The following NUP214 variants were observed in gnomAD, a reference collection of about 807,000 sequenced individuals.
NUP214 encodes nucleoporin 214, also known as nuclear pore complex protein Nup214.
In NUP214, 79 loss-of-function variants were observed where a neutral mutation model predicts 196.2. That is an observed-to-expected ratio of 0.40 (90% CI 0.34 to 0.49). The LOEUF (loss-of-function observed/expected upper bound fraction) is 0.49. Ranked by LOEUF, NUP214 falls within the 20% of genes least tolerant of loss-of-function variation. NUP214 has a pLI of 0.58. For missense variants in NUP214, 2,468 were observed against 2,539.0 expected, an observed-to-expected ratio of 0.97 and a Z score of 0.60; for synonymous variants, 1,020 against 990.5, an observed-to-expected ratio of 1.03 and a Z score of -0.56.
At chr9:131,152,577 A>G (rs1832305622) in intron 17 of NUP214, among the ~76,000 whole-genome samples, 1 of 152,090 alleles carries the variant, frequency 6.6e-6, no homozygotes. Context: ...TTTCTTATGC[A>G]TTATTTCTAG....
chr9:131,209,061 T>C (rs1834163165), intron 30 of NUP214, among the ~76,000 whole-genome samples: 1 of 151,470 alleles, frequency 6.6e-6, no homozygotes, highest in South Asian at 2.1e-4. Flanking sequence ...ATGCTACATA[T>C]AGATAAACTT....
At chr9:131,204,984 C>T (rs1484678949) in intron 30 of NUP214, among the ~76,000 whole-genome samples, 1 of 152,140 alleles carries the variant, frequency 6.6e-6, no homozygotes, top group African/African-American at 2.4e-5. Flanking sequence ...GGCCACCTAG[C>T]ATTTCTAAAT....
At chr9:131,165,024 G>A (rs925350389) in intron 21 of NUP214, 18 of 152,134 alleles carry the variant, frequency 1.2e-4, no homozygotes, top group Non-Finnish European at 2.2e-4. Context: ...AGCTAAATTA[G>A]ATAAATAATA....
intron 3 of NUP214, chr9:131,128,717 C>T (rs1831440297): frequency 6.8e-6 from 3 of 440,058 alleles, no homozygotes; most frequent in Non-Finnish European, 8.1e-6. Context: ...GCTTAGGTGA[C>T]TTGCCCAAAG....
At chr9:131,214,832 A>G (rs777995189) in intron 30 of NUP214, among the ~76,000 whole-genome samples, 2 of 152,244 alleles carry the variant, frequency 1.3e-5, no homozygotes, top group Admixed American at 6.5e-5. Context: ...AGGAATCAGA[A>G]TAAGTGGTGT....
At chr9:131,201,990 A>G (rs576572809) in intron 30 of NUP214, among the ~76,000 whole-genome samples, 2 of 152,262 alleles carry the variant, frequency 1.3e-5, no homozygotes, top group Non-Finnish European at 2.9e-5. Flanking sequence ...TAGACACAGG[A>G]TCTTGCTGTG....
At chr9:131,150,441 A>G (rs1408596793) in intron 15 of NUP214, 31 bp downstream of exon 15, 1 of 1,609,290 alleles carries the variant, frequency 6.2e-7, no homozygotes, top group South Asian at 1.1e-5. Context: ...TGTTTTTCTG[A>G]AAGTAGCTGA....
intron 26 of NUP214, chr9:131,191,805 T>C (rs1833608783): frequency 6.5e-6 from 1 of 153,460 alleles, no homozygotes. Flanking sequence ...CAAATAATTA[T>C]AAAGCTACAT....
Position 131,177,825 on chromosome 9 carries a change from T to G in NUP214, c.3320-486T>G, listed in dbSNP as rs142032779. On this transcript the variant is annotated intron_variant, in intron 23 of 35. Transcript: ENST00000359428. ...TTTCCACATTTTATTCATTATGCCTTTCTGTCTCACTAGGCCATGAGTTTC... is the reference window on the plus strand; with the variant it reads ...TTTCCACATTTTATTCATTATGCCTGTCTGTCTCACTAGGCCATGAGTTTC... 2.3e-3 allele frequency among the ~76,000 whole-genome samples: 347 copies of G among 152,312 alleles called. 4 individuals are homozygous for G. Among genetic ancestry groups the G allele is most frequent in the African/African-American group, 8.0e-3 (333 of 41,552 alleles).
intron 30 of NUP214, among the ~76,000 whole-genome samples, chr9:131,208,252 G>T (rs1035400350): frequency 2.6e-5 from 4 of 152,146 alleles, no homozygotes; most frequent in African/African-American, 9.7e-5. Context: ...TGAAAAAAAG[G>T]GATTCGAACA....
chr9:131,174,137 G>A lies in NUP214; in HGVS notation c.2976G>A (p.Gln992=). Reference sequence around the variant, plus strand: ...TCAGCTCAACGTCATCTGTCTCCCAGTCTCTGGAGAGTGAAGATGCACGGA... The same window carrying A: ...TCAGCTCAACGTCATCTGTCTCCCAATCTCTGGAGAGTGAAGATGCACGGA... The part of the protein sequence containing the change: ...DEVSSTSSVS[Q]SLESEDARTS... The change falls in exon 22 of 36, where the codon CAG becomes CAA. Residue 992 remains glutamine (Q), a synonymous_variant. Transcript: ENST00000359428. The A allele has an allele frequency of 6.2e-7, 1 of 1,613,908 alleles. No homozygotes were observed. The highest frequency in any genetic ancestry group is 8.5e-7 in the Non-Finnish European group (1 of 1,179,958).
rs776603967 is a variant in NUP214 at position 131,140,725 on chromosome 9, C to G, written c.1294+15C>G. The G allele has an allele frequency of 5.6e-6, 9 of 1,607,856 alleles. No individual in the cohort carries two copies. The highest frequency in any genetic ancestry group is 7.6e-6 in the Non-Finnish European group (9 of 1,177,632). On this transcript the variant is annotated intron_variant, in intron 11 of 35. Transcript: ENST00000359428. The stretch of plus-strand genomic sequence containing the variant: ...CAAGTCACCAGGTATGTGCCTCTGC[C>G]TGCTTTATCAGTAAGGGAATACCAT...
Position 131,150,686 on chromosome 9 carries a change from C to T in NUP214, c.2198C>T (p.Thr733Ile). 6.2e-7 allele frequency: 1 copy of T among 1,614,200 alleles called. No individual in the cohort carries two copies. Among genetic ancestry groups the T allele is most frequent in the African/African-American group, 1.3e-5 (1 of 75,056 alleles). Residue 733 changes from threonine to isoleucine, a missense_variant, in exon 16 of 36, where the codon ACT (threonine) becomes ATT (isoleucine). Coordinates refer to ENST00000359428, the MANE Select transcript of NUP214 (RefSeq NM_005085.4). The stretch of plus-strand genomic sequence containing the variant: ...TCCAAAGCCTGTTTCCAAGTGGGCA[C>T]TTCTGAGGAGATGAAGATGCTGCGA... ...RTSKACFQVG[T>I]SEEMKMLRTE...
intron 30 of NUP214, among the ~76,000 whole-genome samples, chr9:131,206,175 T>A (rs1212812078): frequency 2.1e-5 from 3 of 145,948 alleles, no homozygotes; most frequent in Non-Finnish European, 4.5e-5. Context: ...GACAGGGTTT[T>A]ACTCCTGTCG....
chr9:131,164,347 G>A, intron 21 of NUP214: 1 of 581,246 alleles, frequency 1.7e-6, no homozygotes, highest in Non-Finnish European at 3.1e-6. Flanking sequence ...ATAAGAACCA[G>A]CTTATATATA....
intron 18 of NUP214, 177 bp from the exon 19 acceptor site, chr9:131,162,814 T>G (rs1042094178): frequency 1.6e-6 from 1 of 641,622 alleles, no homozygotes; most frequent in African/African-American, 1.8e-5. Context: ...CATTTTATCT[T>G]CATTAGGCTT....
intron 11 of NUP214, among the ~76,000 whole-genome samples, chr9:131,142,813 G>A (rs1831959919): frequency 6.6e-6 from 1 of 152,118 alleles, no homozygotes; most frequent in Non-Finnish European, 1.5e-5. Context: ...TTTCATACTT[G>A]TATCTAAGTA....
At chr9:131,159,590 G>T (rs1363781937) in intron 18 of NUP214, 104 bp downstream of exon 18, 1 of 940,872 alleles carries the variant, frequency 1.1e-6, no homozygotes, top group East Asian at 2.7e-5. Context: ...GGGTGCGGTG[G>T]CTCACGCCTG....
At chr9:131,191,056 A>G (rs758068070) in intron 26 of NUP214, 1 of 149,770 alleles carries the variant, frequency 6.7e-6, no homozygotes. Flanking sequence ...ACTGCCATCT[A>G]CCCTGTGTTT....
Sources: allele counts gnomAD v4.1 joint callset (sites outside exome capture counted in the v4.1 genomes callset), GRCh38; gene constraint gnomAD v4.1.1; transcripts MANE v1.5; gene names NCBI Gene and HGNC (gene_info 2026-07-23, HGNC 2026-07-21).